The following KDM4C variants were observed in gnomAD, a reference collection of about 807,000 sequenced individuals.
The protein encoded by KDM4C is lysine-specific demethylase 4C.
Under a neutral mutation model 129.3 loss-of-function variants are expected in KDM4C, and 81 were observed. The ratio of observed to expected loss-of-function variants is 0.63; its 90% CI spans 0.52 to 0.75. The LOEUF (loss-of-function observed/expected upper bound fraction) is 0.75. Ranked by LOEUF, KDM4C falls within the 30% of genes least tolerant of loss-of-function variation. KDM4C has a pLI of 0.00. For missense variants in KDM4C, 1,457 were observed against 1,304.0 expected (o/e 1.12, Z -1.81); for synonymous variants, 573 against 456.1 (o/e 1.26, Z -3.26).
intron 8 of KDM4C, among the ~76,000 whole-genome samples, chr9:6,965,966 G>C (rs1216074385): frequency 6.6e-6 from 1 of 152,120 alleles, no homozygotes; most frequent in Non-Finnish European, 1.5e-5. Flanking sequence ...AAGTCTATCA[G>C]TTTCATACAC....
At chr9:7,046,120 T>C (rs1032287171) in intron 15 of KDM4C, among the ~76,000 whole-genome samples, 2 of 152,040 alleles carry the variant, frequency 1.3e-5, no homozygotes, top group African/African-American at 4.8e-5. Context: ...TTTCCTGGTC[T>C]TTTTCATGAG....
At chr9:6,792,810 G>A (rs1479248166) in intron 1 of KDM4C, among the ~76,000 whole-genome samples, 162 bp from the exon 2 acceptor site, 2 of 152,154 alleles carry the variant, frequency 1.3e-5, no homozygotes, top group Non-Finnish European at 2.9e-5. Context: ...TTTGTTCAGG[G>A]GTTCAGGCAG....
intron 12 of KDM4C, among the ~76,000 whole-genome samples, chr9:6,993,921 C>A (rs1819217330): frequency 6.6e-6 from 1 of 152,128 alleles, no homozygotes; most frequent in African/African-American, 2.4e-5. Flanking sequence ...GCTTCATTTC[C>A]CTTAACTTTG....
intron 8 of KDM4C, among the ~76,000 whole-genome samples, chr9:6,957,084 C>G (rs1299030814): frequency 1.3e-5 from 2 of 152,054 alleles, no homozygotes; most frequent in African/African-American, 2.4e-5. Context: ...TTAATATGAG[C>G]CATTATCTTC....
At chr9:6,911,034 C>T (rs913402685) in intron 8 of KDM4C, among the ~76,000 whole-genome samples, 7 of 152,100 alleles carry the variant, frequency 4.6e-5, no homozygotes, top group South Asian at 2.1e-4. Context: ...TAAATTTTAG[C>T]GTCATCTTTG....
chr9:6,926,563 C>G (rs919204716), intron 8 of KDM4C, among the ~76,000 whole-genome samples: 6 of 152,172 alleles, frequency 3.9e-5, no homozygotes, highest in Non-Finnish European at 5.9e-5. Context: ...AGAATCCGCT[C>G]TTTCTAGTCT....
chr9:7,149,844 AAAGAAGAGGTTACTGAAAGAAGGATCT>A (rs2130089414), intron 19 of KDM4C, among the ~76,000 whole-genome samples: 1 of 152,324 alleles, frequency 6.6e-6, no homozygotes, highest in South Asian at 2.1e-4. Flanking sequence ...ACCTTTAAAT[AAAGAAGAGGTTACTGAAAGAAGGATCT>A]AAGAGGAAGT....
intron 11 of KDM4C, among the ~76,000 whole-genome samples, chr9:6,987,551 G>A (rs549909612): frequency 9.2e-5 from 14 of 152,242 alleles, no homozygotes; most frequent in African/African-American, 2.9e-4. Context: ...GATAGGTTGC[G>A]CTGGCTGCAG....
In KDM4C at chr9:7,063,803, G is replaced by C. The variant is rs10976017; in HGVS notation, c.2424+14603G>C. ...TGAGCCCTGGAGAGCTAGCTGGGAG[G>C]GAGGGTTCAGAAGAATGAACAGCAT... On this transcript the variant is annotated intron_variant, in intron 17 of 21. Transcript: ENST00000381309. Among the ~76,000 whole-genome samples the C allele has an allele frequency of 2.5e-3, 376 of 152,184 alleles. 10 individuals are homozygous for C. Among genetic ancestry groups the C allele is most frequent in the East Asian group, 0.025 (128 of 5,186 alleles).
At chr9:7,146,573 A>AT (rs918331541) in intron 19 of KDM4C, among the ~76,000 whole-genome samples, 2 of 152,048 alleles carry the variant, frequency 1.3e-5, no homozygotes, top group African/African-American at 4.8e-5. Flanking sequence ...CTTATACTTA[A>AT]TTTTTTTTAA....
chr9:7,064,931 C>T (rs1587387270), intron 17 of KDM4C, among the ~76,000 whole-genome samples: 2 of 152,078 alleles, frequency 1.3e-5, no homozygotes, highest in South Asian at 4.2e-4. Context: ...AGTGAGACGA[C>T]GTAAGTTCTT....
intron 17 of KDM4C, among the ~76,000 whole-genome samples, chr9:7,082,153 G>A (rs1433536490): frequency 7.7e-6 from 1 of 130,114 alleles, no homozygotes; most frequent in Non-Finnish European, 1.8e-5. Context: ...TGTCACTACA[G>A]CCTCACATGG....
intron 15 of KDM4C, 143 bp downstream of exon 15, chr9:7,016,072 C>A (rs1823605689): frequency 2.0e-6 from 1 of 499,494 alleles, no homozygotes. Context: ...TCTTCCCTCT[C>A]AAAAGCATCT....
intron 8 of KDM4C, among the ~76,000 whole-genome samples, chr9:6,949,831 GGA>G (rs1485360792): frequency 2.0e-5 from 3 of 152,040 alleles, no homozygotes; most frequent in Non-Finnish European, 2.9e-5. Flanking sequence ...GGGAGACCGT[GGA>G]GGGAGAGGGA....
chr9:6,962,761 C>T (rs1264115958), intron 8 of KDM4C, among the ~76,000 whole-genome samples: 1 of 151,912 alleles, frequency 6.6e-6, no homozygotes, highest in African/African-American at 2.4e-5. Context: ...TACTTAAATG[C>T]ATTTAGGTAA....
chr9:6,990,130 C>T (rs1197094449), intron 11 of KDM4C, among the ~76,000 whole-genome samples: 1 of 152,124 alleles, frequency 6.6e-6, no homozygotes, highest in Admixed American at 6.5e-5. Flanking sequence ...TTGTTAACTG[C>T]TGAGCTTATT....
chr9:6,902,249 G>C (rs568886195), intron 8 of KDM4C, among the ~76,000 whole-genome samples: 4 of 152,144 alleles, frequency 2.6e-5, no homozygotes, highest in Non-Finnish European at 5.9e-5. Flanking sequence ...ATATAGAATT[G>C]TGCCCACATA....
chr9:6,976,817 G>GT lies in KDM4C; in HGVS notation c.922-4108_922-4107insT, dbSNP rs1832999857. ...GGAAATAGCAATAAATATGTTGTTT[G>GT]ATTTTTTTTTTGGCATAAGTCATTT... is the stretch of plus-strand genomic sequence containing the variant. On this transcript the variant is annotated intron_variant, in intron 8 of 21. Transcript: ENST00000381309. 1.5e-3 allele frequency among the ~76,000 whole-genome samples: 12 copies of GT among 8,054 alleles called. No homozygotes were observed. The Admixed American group carries it at 0.026, about 17-fold the overall frequency. The allele number at this position is 8,054 out of a possible 152,430, so 5.3% of individuals were successfully genotyped here. A position where few individuals can be genotyped will look rare whatever the true frequency, so the allele number is the denominator to read the frequency against.
chr9:6,774,271 G>C (rs1181469785), intron 1 of KDM4C, among the ~76,000 whole-genome samples: 1 of 152,162 alleles, frequency 6.6e-6, no homozygotes, highest in Non-Finnish European at 1.5e-5. Flanking sequence ...CCTTCACCAG[G>C]CATGCAGGTT....
Sources: allele counts gnomAD v4.1 joint callset (sites outside exome capture counted in the v4.1 genomes callset), GRCh38; gene constraint gnomAD v4.1.1; transcripts MANE v1.5; gene names NCBI Gene and HGNC (gene_info 2026-07-23, HGNC 2026-07-21).